SLC22A3: variants seen among roughly 807,000 people sequenced by gnomAD.
SLC22A3 encodes the protein EMT organic cation transporter 3.
Under a neutral mutation model 59.1 loss-of-function variants are expected in SLC22A3, and 51 were observed. The ratio of observed to expected loss-of-function variants is 0.86; its 90% CI spans 0.69 to 1.09. SLC22A3 has a LOEUF of 1.09. Among genes scored for constraint, SLC22A3 ranks in the 50% least tolerant of loss-of-function variants. SLC22A3 has a pLI of 0.00. For missense variants in SLC22A3, 711 were observed against 726.3 expected, an observed-to-expected ratio of 0.98 and a Z score of 0.24; for synonymous variants, 325 against 292.0, an observed-to-expected ratio of 1.11 and a Z score of -1.15.
At chr6:160,444,227 C>T (rs775520747) in intron 9 of SLC22A3, among the ~76,000 whole-genome samples, 4 of 152,006 alleles carry the variant, frequency 2.6e-5, no homozygotes, top group Non-Finnish European at 4.4e-5. Flanking sequence ...ATTAGCTAGG[C>T]GTGGTGATCC....
At position 160,348,791 on chromosome 6, in the gene SLC22A3, T is replaced by C. The variant is rs1237800271; in HGVS notation, c.372T>C (p.Leu124=). ...LAAFPNRSAP[L]VPCRGGWRYA... ...CCTTCCCCAACCGCTCGGCTCCCCTTGTGCCGTGCCGCGGCGGCTGGCGCT... is the reference window on the plus strand; with the variant it reads ...CCTTCCCCAACCGCTCGGCTCCCCTCGTGCCGTGCCGCGGCGGCTGGCGCT... The change falls in exon 1 of 11, where the codon CTT becomes CTC. Residue 124 remains leucine (L), a synonymous_variant. Coordinates refer to ENST00000275300, the MANE Select transcript of SLC22A3 (RefSeq NM_021977.4). The C allele has an allele frequency of 1.9e-6, 3 of 1,574,154 alleles. No individual in the cohort carries two copies. The highest frequency in any genetic ancestry group is 2.3e-5 in the East Asian group (1 of 43,410).
chr6:160,369,476 A>G (rs1211474783), intron 1 of SLC22A3, among the ~76,000 whole-genome samples: 2 of 152,140 alleles, frequency 1.3e-5, no homozygotes, highest in Non-Finnish European at 2.9e-5. Context: ...CTGTATTTTC[A>G]TCTCCATTTT....
intron 9 of SLC22A3, among the ~76,000 whole-genome samples, chr6:160,444,123 C>T (rs1788655838): frequency 6.6e-6 from 1 of 152,120 alleles, no homozygotes; most frequent in Non-Finnish European, 1.5e-5. Context: ...CAGTGGCTCA[C>T]ACCTGTAAGA....
chr6:160,394,237 G>A (rs1190466748), intron 1 of SLC22A3, among the ~76,000 whole-genome samples: 4 of 152,226 alleles, frequency 2.6e-5, no homozygotes, highest in Admixed American at 2.0e-4. Flanking sequence ...TGAATTGTTG[G>A]TGATCCACAA....
chr6:160,449,986 C>T (rs1197339278), intron 10 of SLC22A3, among the ~76,000 whole-genome samples: 2 of 152,136 alleles, frequency 1.3e-5, no homozygotes, highest in African/African-American at 4.8e-5. Flanking sequence ...ACAAACATCA[C>T]AAGACAAAGA....
intron 1 of SLC22A3, among the ~76,000 whole-genome samples, chr6:160,359,278 C>T (rs1436145634): frequency 6.6e-6 from 1 of 152,154 alleles, no homozygotes; most frequent in East Asian, 1.9e-4. Context: ...TGTTGAGCTT[C>T]AGGTTAGGGT....
intron 10 of SLC22A3, 120 bp downstream of exon 10, chr6:160,447,938 A>C: frequency 3.6e-6 from 3 of 824,662 alleles, no homozygotes; most frequent in Non-Finnish European, 6.1e-6. Context: ...TCCTCATCTC[A>C]TATTGTAAGC....
At chr6:160,420,786 G>A (rs942432324) in intron 5 of SLC22A3, among the ~76,000 whole-genome samples, 8 of 152,186 alleles carry the variant, frequency 5.3e-5, no homozygotes, top group East Asian at 1.9e-4. Flanking sequence ...ACTTGCAGGC[G>A]TCACAAGTCC....
chr6:160,442,231 TC>T (rs1583517662), intron 7 of SLC22A3, among the ~76,000 whole-genome samples: 2 of 152,182 alleles, frequency 1.3e-5, no homozygotes, highest in East Asian at 3.9e-4. Context: ...AGAATAGATG[TC>T]CCCTTCCAAA....
intron 1 of SLC22A3, among the ~76,000 whole-genome samples, chr6:160,371,531 C>T (rs1044518273): frequency 6.6e-6 from 1 of 152,162 alleles, no homozygotes; most frequent in African/African-American, 2.4e-5. Flanking sequence ...TTTATGGCTG[C>T]ATAGTATTCC....
intron 2 of SLC22A3, among the ~76,000 whole-genome samples, chr6:160,405,012 C>T (rs947409183): frequency 1.6e-4 from 24 of 151,582 alleles, no homozygotes; most frequent in Non-Finnish European, 2.1e-4. Flanking sequence ...GATACAACAC[C>T]AAAAGCATAA....
In SLC22A3 at chr6:160,348,796, C is replaced by G. The variant is rs113898574; in HGVS notation, c.377C>G (p.Pro126Arg). ...AFPNRSAPLV[P>R]CRGGWRYAQA... ...CCCAACCGCTCGGCTCCCCTTGTGCCGTGCCGCGGCGGCTGGCGCTACGCC... is the reference window on the plus strand; with the variant it reads ...CCCAACCGCTCGGCTCCCCTTGTGCGGTGCCGCGGCGGCTGGCGCTACGCC... Residue 126 changes from proline (P) to arginine (R), a missense_variant, in exon 1 of 11, where the codon CCG becomes CGG. By Grantham distance (103) the Pro-to-Arg change is moderately radical. Coordinates refer to ENST00000275300, the MANE Select transcript of SLC22A3 (RefSeq NM_021977.4). The G allele has an allele frequency of 1.5e-3, 2,298 of 1,576,344 alleles. 7 individuals are homozygous for G. The highest frequency in any genetic ancestry group is 1.7e-3 in the Non-Finnish European group (2,025 of 1,169,232).
chr6:160,379,877 T>C (rs543073192), intron 1 of SLC22A3, among the ~76,000 whole-genome samples: 4 of 152,368 alleles, frequency 2.6e-5, no homozygotes, highest in Admixed American at 2.6e-4. Flanking sequence ...GTCATTTTTA[T>C]GTCTTTATCA....
chr6:160,446,372 C>T (rs1345907385), intron 9 of SLC22A3, among the ~76,000 whole-genome samples: 1 of 152,140 alleles, frequency 6.6e-6, no homozygotes, highest in African/African-American at 2.4e-5. Flanking sequence ...AATAACTGCC[C>T]AAGACTGGGT....
chr6:160,443,802 C>A, intron 9 of SLC22A3, 60 bp downstream of exon 9: 11 of 917,316 alleles, frequency 1.2e-5, no homozygotes, highest in Middle Eastern at 2.3e-4. Context: ...CTAAAAGAGA[C>A]CTATAATAAT....
chr6:160,424,800 G>A (rs965835304), intron 5 of SLC22A3, among the ~76,000 whole-genome samples: 1 of 152,202 alleles, frequency 6.6e-6, no homozygotes, highest in African/African-American at 2.4e-5. Flanking sequence ...AAATAGTTTA[G>A]ATCTTGAGGA....
intron 1 of SLC22A3, among the ~76,000 whole-genome samples, chr6:160,390,561 T>C (rs1201906847): frequency 6.6e-6 from 1 of 151,898 alleles, no homozygotes; most frequent in Non-Finnish European, 1.5e-5. Context: ...GGCTGACACC[T>C]GAGAGGTGGG....
chr6:160,406,924 A>G, intron 2 of SLC22A3, 117 bp from the exon 3 acceptor site: 1 of 1,189,788 alleles, frequency 8.4e-7, no homozygotes, highest in Non-Finnish European at 1.1e-6. Context: ...TCTTTAAAAT[A>G]AAATGATATA....
At position 160,442,816 on chromosome 6, in the gene SLC22A3, G is replaced by T; in HGVS notation, c.1344G>T (p.Met448Ile). The change falls in exon 8 of 11, where the codon ATG becomes ATT. Residue 448 changes from methionine (M) to isoleucine (I), a missense_variant. By Grantham distance (10) the Met-to-Ile change is conservative. Transcript: ENST00000275300. Reference sequence around the variant, plus strand: ...CATTGGGAAGACTAGGGATAACCATGGCCTTTGAAATTGTTTATTTGGTAA... The same window carrying T: ...CATTGGGAAGACTAGGGATAACCATTGCCTTTGAAATTGTTTATTTGGTAA... The part of the protein sequence containing the change: ...VATLGRLGIT[M>I]AFEIVYLVNS... The T allele has an allele frequency of 1.2e-6, 2 of 1,614,068 alleles. No individual in the cohort carries two copies. The highest frequency in any genetic ancestry group is 3.3e-5 in the Admixed American group (2 of 60,022).
Sources: allele counts gnomAD v4.1 joint callset (sites outside exome capture counted in the v4.1 genomes callset), GRCh38; gene constraint gnomAD v4.1.1; transcripts MANE v1.5; gene names NCBI Gene and HGNC (gene_info 2026-07-23, HGNC 2026-07-21).